QNG1: variants seen among roughly 807,000 people sequenced by gnomAD.
QNG1 encodes Q-nucleotide N-glycosylase 1, also known as queuosine 5'-phosphate N-glycosylase/hydrolase.
At chr9:83,941,051 T>A in the QNG1 span, among the ~76,000 whole-genome samples, 3 of 152,134 alleles carry the variant, frequency 2.0e-5, no homozygotes, top group Admixed American at 6.6e-5. Flanking sequence ...GCCAACAGAG[T>A]GGCCACGGAG....
the QNG1 span, among the ~76,000 whole-genome samples, chr9:83,952,854 G>A: frequency 6.7e-6 from 1 of 150,324 alleles, no homozygotes; most frequent in Admixed American, 6.7e-5. Context: ...TGGAATCCCA[G>A]CTACTCGGAG....
At chr9:83,953,396 G>T in the QNG1 span, among the ~76,000 whole-genome samples, 4 of 149,644 alleles carry the variant, frequency 2.7e-5, no homozygotes, top group Admixed American at 6.7e-5. Context: ...CGTCCAGGCT[G>T]GAGTGCAGTG....
At chr9:83,951,437 C>T in the QNG1 span, among the ~76,000 whole-genome samples, 6 of 151,970 alleles carry the variant, frequency 3.9e-5, no homozygotes, top group Non-Finnish European at 1.5e-5. Context: ...GTGCGCACCT[C>T]TAATCCCAGC....
chr9:83,945,641 G>A, the QNG1 span, among the ~76,000 whole-genome samples: 2 of 151,792 alleles, frequency 1.3e-5, no homozygotes, highest in South Asian at 4.2e-4. Flanking sequence ...TTGCTCTGTC[G>A]CCCAGGCTGG....
the QNG1 span, chr9:83,953,898 G>A: frequency 1.7e-6 from 2 of 1,167,234 alleles, no homozygotes; most frequent in Non-Finnish European, 2.5e-6. Flanking sequence ...AACTTTTCAA[G>A]AAATACTTTT....
At chr9:83,948,654 G>A in the QNG1 span, among the ~76,000 whole-genome samples, 2 of 152,262 alleles carry the variant, frequency 1.3e-5, no homozygotes, top group South Asian at 2.1e-4. Flanking sequence ...GAATAGAAAG[G>A]GGGGAAATGT....
chr9:83,956,946 T>C, the QNG1 span: 1 of 155,674 alleles, frequency 6.4e-6, no homozygotes, highest in Admixed American at 6.4e-5. Flanking sequence ...CGCCTTGCCC[T>C]GGGTCGCGAT....
At chr9:83,945,793 G>A in the QNG1 span, among the ~76,000 whole-genome samples, 1 of 151,754 alleles carries the variant, frequency 6.6e-6, no homozygotes, top group East Asian at 2.0e-4. Context: ...TAGAAGAGAC[G>A]GGGTTTCACT....
chr9:83,950,198 C>T, the QNG1 span, among the ~76,000 whole-genome samples: 3 of 151,754 alleles, frequency 2.0e-5, no homozygotes, highest in East Asian at 1.9e-4. Context: ...TACAGATGGG[C>T]GCCAACACGC....
the QNG1 span, among the ~76,000 whole-genome samples, chr9:83,945,822 T>C: frequency 1.3e-5 from 2 of 151,988 alleles, no homozygotes; most frequent in Non-Finnish European, 2.9e-5. Flanking sequence ...CGGGATGGTC[T>C]CGATCTCCTG....
the QNG1 span, chr9:83,955,762 G>A: frequency 1.1e-6 from 1 of 926,372 alleles, no homozygotes; most frequent in East Asian, 2.4e-5. Flanking sequence ...CACCAAAAGT[G>A]GAAGAATAAA....
At chr9:83,946,841 C>T in the QNG1 span, among the ~76,000 whole-genome samples, 4 of 152,170 alleles carry the variant, frequency 2.6e-5, 1 homozygote, top group South Asian at 4.1e-4. Flanking sequence ...TCAGGCGATC[C>T]GTGTGCCTTG....
At chr9:83,945,119 A>T in the QNG1 span, 1 of 766,046 alleles carries the variant, frequency 1.3e-6, no homozygotes, top group Non-Finnish European at 2.0e-6. Flanking sequence ...GAATTTATAG[A>T]TTGGCCGGGC....
At chr9:83,938,739 G>A in the QNG1 span, 3 of 142,112 alleles carry the variant, frequency 2.1e-5, no homozygotes, top group Non-Finnish European at 4.6e-5. Context: ...AATACATAGC[G>A]ATGTCAGGAA....
the QNG1 span, chr9:83,956,063 T>G: frequency 8.3e-7 from 1 of 1,208,772 alleles, no homozygotes; most frequent in African/African-American, 1.5e-5. Context: ...CGCTTTCCAT[T>G]ATTCCATCTC....
the QNG1 span, among the ~76,000 whole-genome samples, chr9:83,946,390 T>C: frequency 6.6e-6 from 1 of 152,154 alleles, no homozygotes; most frequent in African/African-American, 2.4e-5. Context: ...ACAACATTCA[T>C]TTTTAACTGT....
the QNG1 span, chr9:83,955,367 C>G: frequency 1.9e-6 from 3 of 1,607,904 alleles, no homozygotes; most frequent in East Asian, 6.7e-5. Flanking sequence ...AAATCCCCAA[C>G]AGAAGCAACT....
the QNG1 span, among the ~76,000 whole-genome samples, chr9:83,943,450 T>C: frequency 1.3e-5 from 2 of 151,064 alleles, no homozygotes; most frequent in Non-Finnish European, 2.9e-5. Context: ...CAGCTTAATA[T>C]GGCCATATGA....
At chr9:83,943,305 A>G in the QNG1 span, among the ~76,000 whole-genome samples, 1 of 135,862 alleles carries the variant, frequency 7.4e-6, no homozygotes, top group African/African-American at 2.9e-5. Context: ...ACGCCACCAC[A>G]CTCCAGCTTG....
Sources: gnomAD v4.1 joint callset for allele counts (sites outside exome capture counted in the v4.1 genomes callset) on GRCh38, gnomAD v4.1.1 for gene constraint, MANE v1.5 for transcripts, NCBI Gene and HGNC (gene_info 2026-07-23, HGNC 2026-07-21) for gene names.